LINGO2: variants seen among roughly 807,000 people sequenced by gnomAD.
LINGO2 encodes the protein leucine rich repeat and Ig domain containing 2, also known as leucine-rich repeat and immunoglobulin-like domain-containing nogo receptor-interacting protein 2.
LINGO2 carries 14 observed loss-of-function variants against 30.6 expected under a neutral mutation model. The ratio of observed to expected loss-of-function variants is 0.46; its 90% CI spans 0.30 to 0.72. The LOEUF is 0.72. LINGO2 is among the 30% of genes least tolerant of loss of function. LINGO2 has a pLI of 0.07. For missense variants in LINGO2, 729 were observed against 751.7 expected (o/e 0.97, Z 0.35); for synonymous variants, 317 against 288.5 (o/e 1.10, Z -1.00).
chr9:29,097,881 C>T, the LINGO2 span, among the ~76,000 whole-genome samples: 15 of 138,556 alleles, frequency 1.1e-4, no homozygotes, highest in Admixed American at 9.6e-4. Flanking sequence ...CAGGTCAATG[C>T]TAATAATCCT....
intron 4 of LINGO2, among the ~76,000 whole-genome samples, chr9:28,252,027 TTCTC>T (rs1370265523): frequency 6.6e-6 from 1 of 152,170 alleles, no homozygotes; most frequent in Non-Finnish European, 1.5e-5. Flanking sequence ...GAGCCTCAGT[TTCTC>T]TATTTTCTAT....
At chr9:28,342,334 A>G (rs1825794817) in intron 3 of LINGO2, among the ~76,000 whole-genome samples, 1 of 152,156 alleles carries the variant, frequency 6.6e-6, no homozygotes, top group Admixed American at 6.6e-5. Flanking sequence ...CAAATCCTAC[A>G]TATAGACAGA....
the LINGO2 span, among the ~76,000 whole-genome samples, chr9:28,724,383 G>T: frequency 6.6e-6 from 1 of 152,204 alleles, no homozygotes; most frequent in Admixed American, 6.5e-5. Flanking sequence ...TTTAGTTCCT[G>T]TCCCAGAGAA....
Position 28,613,382 on chromosome 9 carries a change from ATG to A in LINGO2, c.-365+56816_-365+56817del, listed in dbSNP as rs771448247. Among the ~76,000 whole-genome samples, 23 of 147,774 alleles carry A rather than the reference ATG, an allele frequency of 1.6e-4. No individual in the cohort carries two copies. In the East Asian group the frequency reaches 2.1e-3, roughly 14 times the overall value. On this transcript the variant is annotated intron_variant, in intron 1 of 5. Coordinates refer to ENST00000379992, the Ensembl canonical transcript of LINGO2. ...AATAGTAGAATATGTGTATATACGT[ATG>A]TGTGTGTGTGTGTATATAGCTACAG...
chr9:28,241,812 A>G (rs1821811051), intron 4 of LINGO2, among the ~76,000 whole-genome samples: 1 of 152,224 alleles, frequency 6.6e-6, no homozygotes, highest in East Asian at 1.9e-4. Context: ...CCTGAATAAC[A>G]TCTCCAGGCA....
At position 28,008,545 on chromosome 9, in the gene LINGO2, A is replaced by G. The variant is rs117257762; in HGVS notation, c.-36+3810T>C. Among the ~76,000 whole-genome samples the G allele has an allele frequency of 8.1e-3, 1,220 of 149,912 alleles. 10 individuals carry two copies. Among genetic ancestry groups the G allele is most frequent in the South Asian group, 0.023 (109 of 4,700 alleles). ...AATTAAAAATCTCTCTTTGTTGATG[A>G]CATCTAAAATAATCCACTAAAAACT... On this transcript the variant is annotated intron_variant, in intron 5 of 5. Transcript: ENST00000379992.
chr9:28,301,278 T>C (rs1353988398), intron 3 of LINGO2, among the ~76,000 whole-genome samples: 1 of 151,888 alleles, frequency 6.6e-6, no homozygotes, highest in South Asian at 2.1e-4. Flanking sequence ...TCCTCCTTTG[T>C]AACTATTGAG....
At chr9:28,578,853 G>A (rs17775997) in intron 1 of LINGO2, among the ~76,000 whole-genome samples, 5,557 of 152,128 alleles carry the variant, frequency 0.037, 123 homozygotes, top group African/African-American at 0.049. Flanking sequence ...TGGTTTAAAT[G>A]CAGATGTAGC....
chr9:27,973,522 C>G (rs1378803419), intron 5 of LINGO2, among the ~76,000 whole-genome samples: 1 of 152,164 alleles, frequency 6.6e-6, no homozygotes, highest in Non-Finnish European at 1.5e-5. Context: ...ACAGCAATAG[C>G]TGTGAAACTG....
intron 2 of LINGO2, among the ~76,000 whole-genome samples, chr9:28,420,446 T>C (rs1823148972): frequency 2.6e-5 from 4 of 152,266 alleles, no homozygotes; most frequent in African/African-American, 9.6e-5. Context: ...TATAAAACTT[T>C]TAATTTAAAC....
chr9:28,471,938 G>A (rs758403853), intron 2 of LINGO2, among the ~76,000 whole-genome samples: 16 of 151,988 alleles, frequency 1.1e-4, no homozygotes, highest in Non-Finnish European at 2.2e-4. Context: ...GAGACCAAGA[G>A]GCCACACATA....
intron 4 of LINGO2, among the ~76,000 whole-genome samples, chr9:28,118,968 G>A (rs1827014507): frequency 6.6e-6 from 1 of 152,066 alleles, no homozygotes; most frequent in Admixed American, 6.6e-5. Flanking sequence ...GAAATTAATT[G>A]TATAATTTAC....
chr9:28,421,421 A>C (rs1230459796), intron 2 of LINGO2, among the ~76,000 whole-genome samples: 1 of 74,044 alleles, frequency 1.4e-5, no homozygotes, highest in Non-Finnish European at 3.8e-5. Flanking sequence ...TTTTTGCAGA[A>C]AAAAAAAAAG....
chr9:29,115,521 T>TA, the LINGO2 span, among the ~76,000 whole-genome samples: 2 of 151,888 alleles, frequency 1.3e-5, no homozygotes, highest in South Asian at 2.1e-4. Flanking sequence ...GAAAGACTTG[T>TA]AAAAAAATCA....
chr9:28,103,752 C>G (rs886575502), intron 4 of LINGO2, among the ~76,000 whole-genome samples: 17 of 152,106 alleles, frequency 1.1e-4, no homozygotes, highest in Admixed American at 7.2e-4. Context: ...GAAAAATAAT[C>G]AATACATGTA....
At chr9:28,052,652 C>T (rs1224047896) in intron 4 of LINGO2, among the ~76,000 whole-genome samples, 4 of 152,088 alleles carry the variant, frequency 2.6e-5, no homozygotes, top group Non-Finnish European at 5.9e-5. Flanking sequence ...CCAGCAAATC[C>T]TAAGAACCTG....
intron 5 of LINGO2, among the ~76,000 whole-genome samples, chr9:28,011,207 C>G (rs563081866): frequency 6.6e-6 from 1 of 152,068 alleles, no homozygotes; most frequent in African/African-American, 2.4e-5. Context: ...CAGTAAGGAA[C>G]GAAGGCTGAA....
At chr9:28,995,432 C>G in the LINGO2 span, among the ~76,000 whole-genome samples, 1 of 152,186 alleles carries the variant, frequency 6.6e-6, no homozygotes, top group Admixed American at 6.5e-5. Context: ...GGACTGTAAA[C>G]TAGTTCAACC....
the LINGO2 span, among the ~76,000 whole-genome samples, chr9:29,177,043 A>G: frequency 6.6e-6 from 1 of 152,226 alleles, no homozygotes; most frequent in Non-Finnish European, 1.5e-5. Context: ...AATGAGCATG[A>G]CCACCACAAA....
Sources: allele counts gnomAD v4.1 joint callset (sites outside exome capture counted in the v4.1 genomes callset), GRCh38; gene constraint gnomAD v4.1.1; transcripts MANE v1.5; gene names NCBI Gene and HGNC (gene_info 2026-07-23, HGNC 2026-07-21).